Variants in PPIL4 observed in about 807,000 individuals in gnomAD.
The protein encoded by PPIL4 is peptidyl-prolyl cis-trans isomerase-like 4.
Under a neutral mutation model 69.1 loss-of-function variants are expected in PPIL4, and 50 were observed. That is an observed-to-expected ratio of 0.72 (90% CI 0.58 to 0.92). The LOEUF is 0.92. Ranked by LOEUF, PPIL4 falls within the 40% of genes least tolerant of loss-of-function variation. The probability of loss-of-function intolerance (pLI) is 0.00; values close to 1 mark genes in which losing one functional copy is unlikely to be tolerated. For missense variants in PPIL4, 480 were observed against 587.9 expected, an observed-to-expected ratio of 0.82 and a Z score of 1.90; for synonymous variants, 193 against 191.6, an observed-to-expected ratio of 1.01 and a Z score of -0.06.
rs113611329 is a variant in PPIL4 at position 149,531,531 on chromosome 6, C to CAAA, written c.678+1924_678+1926dup. On this transcript the variant is annotated intron_variant, in intron 7 of 12. Transcript: ENST00000253329. ...AACCTGGGCAACAGAAACTCCGTCT[C>CAAA]AAAAAAAAAAAAAGGAAAATATTCT... is the stretch of plus-strand genomic sequence containing the variant. Among the ~76,000 whole-genome samples, 493 of 135,432 alleles carry CAAA rather than the reference C, an allele frequency of 3.6e-3. 3 individuals carry two copies. Among genetic ancestry groups the CAAA allele is most frequent in the Non-Finnish European group, 5.9e-3 (372 of 62,598 alleles). 88.8% of individuals were successfully genotyped at this position (135,432 alleles called of 152,430 possible). A position where few individuals can be genotyped will look rare whatever the true frequency, so the allele number is the denominator to read the frequency against.
chr6:149,512,775 C>A (rs975724840), intron 11 of PPIL4, among the ~76,000 whole-genome samples: 5 of 152,000 alleles, frequency 3.3e-5, no homozygotes, highest in African/African-American at 9.7e-5. Flanking sequence ...CGGAGTCTTG[C>A]CCTGTTGCCC....
chr6:149,506,696 C>A (rs1035811360), intron 12 of PPIL4, among the ~76,000 whole-genome samples: 6 of 152,080 alleles, frequency 3.9e-5, no homozygotes, highest in Non-Finnish European at 8.8e-5. Flanking sequence ...CAGGCTCAAC[C>A]GATCCTTCCC....
intron 12 of PPIL4, among the ~76,000 whole-genome samples, chr6:149,510,897 T>C (rs1039008131): frequency 6.6e-5 from 10 of 151,606 alleles, no homozygotes; most frequent in African/African-American, 1.7e-4. Flanking sequence ...GTGTAGAAAA[T>C]GTTTGCACAC....
At chr6:149,545,519 G>C (rs1010518880) in intron 1 of PPIL4, among the ~76,000 whole-genome samples, 2 of 152,056 alleles carry the variant, frequency 1.3e-5, no homozygotes, top group African/African-American at 2.4e-5. Context: ...GCTGCGCCAA[G>C]CACACCCTAA....
rs60680973 is a variant in PPIL4 at position 149,515,139 on chromosome 6, AT to A, written c.1079+2214del. Among the ~76,000 whole-genome samples the A allele has an allele frequency of 5.8e-3, 798 of 138,190 alleles. 2 individuals are homozygous for A. The highest frequency in any genetic ancestry group is 6.8e-3 in the Non-Finnish European group (434 of 63,486). The allele number at this position is 138,190 out of a possible 152,430, so 90.7% of individuals were successfully genotyped here. A position where few individuals can be genotyped will look rare whatever the true frequency, so the allele number is the denominator to read the frequency against. On this transcript the variant is annotated intron_variant, in intron 11 of 12. Transcript: ENST00000253329. ...AGGCATGAGCCACTGCACCCAGCCA[AT>A]TTTTTTTTTTTTTTTAAGAAAAAAA...
intron 10 of PPIL4, among the ~76,000 whole-genome samples, chr6:149,518,164 A>AT (rs1776976834): frequency 6.6e-6 from 1 of 152,140 alleles, no homozygotes; most frequent in African/African-American, 2.4e-5. Context: ...GGGCAACTTC[A>AT]TTCCTCCCAA....
intron 7 of PPIL4, among the ~76,000 whole-genome samples, chr6:149,529,765 A>G (rs987665781): frequency 6.0e-5 from 9 of 150,194 alleles, no homozygotes; most frequent in African/African-American, 2.2e-4. Context: ...TCCGTCTCAA[A>G]AAAAAAAAAA....
At chr6:149,533,242 A>C (rs1452297125) in intron 7 of PPIL4, among the ~76,000 whole-genome samples, 2 of 152,248 alleles carry the variant, frequency 1.3e-5, no homozygotes, top group African/African-American at 2.4e-5. Context: ...TCCACTTCCC[A>C]CTGTTTAAAA....
chr6:149,535,624 T>C lies in PPIL4; in HGVS notation c.436A>G (p.Lys146Glu), dbSNP rs1462132959. 1.9e-6 allele frequency: 3 copies of C among 1,612,780 alleles called. No individual in the cohort carries two copies. Among genetic ancestry groups the C allele is most frequent in the Non-Finnish European group, 2.5e-6 (3 of 1,179,154 alleles). Residue 146 changes from lysine (K) to glutamate (E), a missense_variant, in exon 5 of 13, where the codon AAG (lysine) becomes GAG (glutamate). Lys to Glu is a moderately conservative substitution (Grantham distance 56). Coordinates refer to ENST00000253329, the MANE Select transcript of PPIL4 (RefSeq NM_139126.4). ...IKKINETFVD[K>E]DFVPYQDIRI... is the part of the protein sequence containing the mutation. ...ATATCCTGATATGGTACAAAGTCCT[T>C]GTCAACAAAGGTCTCATTAATTTTC... is the stretch of plus-strand genomic sequence containing the variant.
intron 5 of PPIL4, among the ~76,000 whole-genome samples, chr6:149,535,136 C>A (rs1777255470): frequency 6.6e-6 from 1 of 152,170 alleles, no homozygotes; most frequent in Admixed American, 6.5e-5. Flanking sequence ...GTGGGTGGAT[C>A]ATGAGGTCAG....
chr6:149,518,320 A>G (rs1337027601), intron 10 of PPIL4, among the ~76,000 whole-genome samples: 1 of 152,162 alleles, frequency 6.6e-6, no homozygotes, highest in Non-Finnish European at 1.5e-5. Context: ...CAAGTCTCCT[A>G]CCAGATGAGA....
Position 149,510,780 on chromosome 6 carries a change from T to C in PPIL4, c.1227+1375A>G, listed in dbSNP as rs117774055. ...GAAAAGAAACACTTTAACTGAAATA[T>C]GAATCTAGTTAATGTCATAACCACA... On this transcript the variant is annotated intron_variant, in intron 12 of 12. Coordinates refer to ENST00000253329, the MANE Select transcript of PPIL4 (RefSeq NM_139126.4). Among the ~76,000 whole-genome samples, 20 of 152,046 alleles carry C rather than the reference T, an allele frequency of 1.3e-4. No individual in the cohort carries two copies. The East Asian group carries it at 3.3e-3, about 25-fold the overall frequency.
chr6:149,532,292 A>G (rs951739532), intron 7 of PPIL4, among the ~76,000 whole-genome samples: 1 of 152,240 alleles, frequency 6.6e-6, no homozygotes, highest in Admixed American at 6.5e-5. Flanking sequence ...CTGAAAACAA[A>G]AAGTTTTAAA....
At position 149,512,151 on chromosome 6, in the gene PPIL4, G is replaced by A. The variant is rs1207462445; in HGVS notation, c.1227+4C>T. Reference sequence around the variant, plus strand: ...CCACATCTAAGTCTGGACATTAGAGGTACCTGATTAGTATTTTTGATTGGC... The same window carrying A: ...CCACATCTAAGTCTGGACATTAGAGATACCTGATTAGTATTTTTGATTGGC... On this transcript the variant is annotated splice_donor_region_variant and intron_variant, in intron 12 of 12. Transcript: ENST00000253329. The A allele has an allele frequency of 6.3e-7, 1 of 1,598,412 alleles. No homozygotes were observed. The highest frequency in any genetic ancestry group is 8.5e-7 in the Non-Finnish European group (1 of 1,171,764).
chr6:149,515,365 G>C (rs1776928334), intron 11 of PPIL4, among the ~76,000 whole-genome samples: 2 of 151,560 alleles, frequency 1.3e-5, no homozygotes, highest in Non-Finnish European at 2.9e-5. Flanking sequence ...CTTAAATGAT[G>C]GATCATACGA....
At chr6:149,522,876 G>A (rs1777052196) in intron 9 of PPIL4, among the ~76,000 whole-genome samples, 1 of 152,180 alleles carries the variant, frequency 6.6e-6, no homozygotes, top group African/African-American at 2.4e-5. Context: ...CTCCCAAAGT[G>A]CTGGGATTAC....
Position 149,542,929 on chromosome 6 carries a change from TGAA to T in PPIL4, c.71-1346_71-1344del, listed in dbSNP as rs1290475550. On this transcript the variant is annotated intron_variant, in intron 1 of 12. Transcript: ENST00000253329. The stretch of plus-strand genomic sequence containing the variant: ...GAGAGATAAGATGGGGCTGAGCTGT[TGAA>T]GAGTGCTGAATATCAGTCTTGCAGT... Among the ~76,000 whole-genome samples the T allele has an allele frequency of 2.6e-5, 4 of 152,322 alleles. No homozygotes were observed. In the East Asian group the frequency reaches 7.7e-4, roughly 29 times the overall value.
rs548611059 is a variant in PPIL4, at chr6:149,537,026, T to C, written c.322-1288A>G. 4.6e-5 allele frequency among the ~76,000 whole-genome samples: 7 copies of C among 151,426 alleles called. No homozygotes were observed. In the South Asian group the frequency reaches 1.5e-3, roughly 32 times the overall value. On this transcript the variant is annotated intron_variant, in intron 4 of 12. Transcript: ENST00000253329. ...CTGTAATCCCAGCTACTCAGGAGGC[T>C]GAGGCAGGAGAATTGCTTGAACCCA... is the stretch of plus-strand genomic sequence containing the variant.
At chr6:149,535,980 G>A (rs1777269276) in intron 4 of PPIL4, among the ~76,000 whole-genome samples, 1 of 152,214 alleles carries the variant, frequency 6.6e-6, no homozygotes, top group African/African-American at 2.4e-5. Flanking sequence ...CGTGTATTGA[G>A]TAAGTCTATT....
Sources: gnomAD v4.1 joint callset for allele counts (sites outside exome capture counted in the v4.1 genomes callset) on GRCh38, gnomAD v4.1.1 for gene constraint, MANE v1.5 for transcripts, NCBI Gene and HGNC (gene_info 2026-07-23, HGNC 2026-07-21) for gene names.